The following THSD4 variants were observed in gnomAD, a reference collection of about 807,000 sequenced individuals.
THSD4 encodes thrombospondin type 1 domain containing 4.
A neutral mutation model predicts 119.0 loss-of-function variants in THSD4; 69 were observed. That is an observed-to-expected ratio of 0.58 (90% CI 0.48 to 0.71). THSD4 has a LOEUF of 0.71. Among genes scored for constraint, THSD4 ranks in the 30% least tolerant of loss-of-function variants. The pLI is 0.00. For missense variants in THSD4, 1,393 were observed against 1,391.1 expected (o/e 1.00, Z -0.02); for synonymous variants, 524 against 540.4 (o/e 0.97, Z 0.42).
chr15:71,696,587 G>C (rs141673559), intron 8 of THSD4, among the ~76,000 whole-genome samples: 4 of 152,160 alleles, frequency 2.6e-5, no homozygotes, highest in African/African-American at 9.7e-5. Context: ...CCAATTAGCT[G>C]AAGATAATGG....
intron 6 of THSD4, among the ~76,000 whole-genome samples, chr15:71,349,099 A>AC (rs11383430): frequency 0.44 from 67,641 of 152,032 alleles, 15,308 homozygotes; most frequent in South Asian, 0.5. Context: ...GAAAACCAGG[A>AC]CAGGAGCAAG....
chr15:71,135,082 T>C (rs1215575311), intron 1 of THSD4, among the ~76,000 whole-genome samples: 1 of 144,106 alleles, frequency 6.9e-6, no homozygotes, highest in Non-Finnish European at 1.5e-5. Context: ...ATGGATGAAA[T>C]TGGAAACCAT....
intron 7 of THSD4, among the ~76,000 whole-genome samples, chr15:71,535,826 A>G (rs2048682493): frequency 6.6e-6 from 1 of 152,234 alleles, no homozygotes; most frequent in Non-Finnish European, 1.5e-5. Context: ...AGGTTCTGAT[A>G]CAAGTCTCTT....
chr15:71,296,689 A>G (rs1166398605), intron 6 of THSD4, among the ~76,000 whole-genome samples: 2 of 152,204 alleles, frequency 1.3e-5, no homozygotes, highest in African/African-American at 2.4e-5. Flanking sequence ...ACAGGTTTTT[A>G]TGTGTTATCA....
intron 6 of THSD4, among the ~76,000 whole-genome samples, chr15:71,330,935 T>C (rs1481613405): frequency 6.6e-6 from 1 of 152,208 alleles, no homozygotes; most frequent in Non-Finnish European, 1.5e-5. Flanking sequence ...CTAACCCGTT[T>C]ACCGGGTGCC....
At chr15:71,182,443 G>T (rs1185509552) in intron 3 of THSD4, among the ~76,000 whole-genome samples, 2 of 151,766 alleles carry the variant, frequency 1.3e-5, no homozygotes, top group Non-Finnish European at 2.9e-5. Flanking sequence ...CCATAATGAA[G>T]TGACTTTAGG....
intron 6 of THSD4, among the ~76,000 whole-genome samples, chr15:71,386,939 C>G (rs185824674): frequency 6.6e-6 from 1 of 152,130 alleles, no homozygotes; most frequent in East Asian, 1.9e-4. Flanking sequence ...GGATTCTGTT[C>G]GCCTCGTAAT....
chr15:71,721,976 C>CA (rs3086728), intron 8 of THSD4, among the ~76,000 whole-genome samples: 1,531 of 141,608 alleles, frequency 0.011, 29 homozygotes, highest in Admixed American at 0.043. Flanking sequence ...GTCCCTGTCT[C>CA]AAAAAAAAAA....
intron 7 of THSD4, among the ~76,000 whole-genome samples, chr15:71,628,685 A>G (rs934482941): frequency 1.3e-5 from 2 of 152,246 alleles, no homozygotes; most frequent in Admixed American, 1.3e-4. Context: ...CAAGGGTGTC[A>G]ATACACTTTG....
At chr15:71,423,390 G>A (rs2140519525) in intron 7 of THSD4, among the ~76,000 whole-genome samples, 1 of 151,988 alleles carries the variant, frequency 6.6e-6, no homozygotes, top group Non-Finnish European at 1.5e-5. Flanking sequence ...AGGGCCCAAA[G>A]GCTCTTTAGT....
intron 7 of THSD4, among the ~76,000 whole-genome samples, chr15:71,485,123 T>C (rs913103733): frequency 6.6e-6 from 1 of 152,174 alleles, no homozygotes; most frequent in African/African-American, 2.4e-5. Context: ...CAGTAACCAC[T>C]ACCGCCACTC....
intron 4 of THSD4, among the ~76,000 whole-genome samples, chr15:71,240,026 T>C (rs1459716797): frequency 6.6e-6 from 1 of 152,244 alleles, no homozygotes; most frequent in African/African-American, 2.4e-5. Context: ...TGCATTCATT[T>C]CGTCACCTTT....
At chr15:71,112,129 G>C (rs1306725729), upstream of THSD4, 2 of 1,613,614 alleles carry the variant, frequency 1.2e-6, no homozygotes, top group Non-Finnish European at 1.7e-6. Context: ...TCATTCCTCA[G>C]AGATTTGGGA....
rs140791454 is a variant in THSD4 at position 71,394,794 on chromosome 15, C to T, written c.1016-16893C>T. ...CCTGGGAGACTTTGCCATCACAGCA[C>T]TTGCTACAATTTGGCGTTTATACAG... On this transcript the variant is annotated intron_variant, in intron 6 of 17. Coordinates refer to ENST00000261862, the MANE Select transcript of THSD4 (RefSeq NM_024817.3). 2.1e-3 allele frequency among the ~76,000 whole-genome samples: 315 copies of T among 152,346 alleles called. 1 individual carries two copies. Among genetic ancestry groups the T allele is most frequent in the Admixed American group, 6.9e-3 (106 of 15,306 alleles).
At chr15:71,486,910 T>C (rs905808785) in intron 7 of THSD4, among the ~76,000 whole-genome samples, 1 of 152,166 alleles carries the variant, frequency 6.6e-6, no homozygotes, top group African/African-American at 2.4e-5. Context: ...AGGATTTATG[T>C]TAACTAAGCT....
chr15:71,371,702 G>T (rs1410177968), intron 6 of THSD4, among the ~76,000 whole-genome samples: 1 of 152,172 alleles, frequency 6.6e-6, no homozygotes. Flanking sequence ...CTCTCTGGCT[G>T]CCCTTAACAT....
chr15:71,317,496 A>T (rs1476661615), intron 6 of THSD4, among the ~76,000 whole-genome samples: 1 of 152,234 alleles, frequency 6.6e-6, no homozygotes, highest in Non-Finnish European at 1.5e-5. Flanking sequence ...ATCAAATCTC[A>T]TGAGACTTAT....
At chr15:71,150,558 TTTTG>T (rs1415930056) in intron 2 of THSD4, among the ~76,000 whole-genome samples, 1 of 152,242 alleles carries the variant, frequency 6.6e-6, no homozygotes, top group East Asian at 1.9e-4. Flanking sequence ...CCAGAATGAA[TTTTG>T]TTGGGTACCC....
chr15:71,730,790 T>G (rs1261211105), intron 9 of THSD4: 2 of 312,696 alleles, frequency 6.4e-6, no homozygotes, highest in Non-Finnish European at 1.3e-5. Flanking sequence ...TTATCTGTGT[T>G]GGATGTTTCA....
Sources: allele counts gnomAD v4.1 joint callset (sites outside exome capture counted in the v4.1 genomes callset), GRCh38; gene constraint gnomAD v4.1.1; transcripts MANE v1.5; gene names NCBI Gene and HGNC (gene_info 2026-07-23, HGNC 2026-07-21).